TRIM9: variants seen among roughly 807,000 people sequenced by gnomAD.
The protein encoded by TRIM9 is tripartite motif containing 9, also known as E3 ubiquitin-protein ligase TRIM9.
In TRIM9, 26 loss-of-function variants were observed where a neutral mutation model predicts 78.3. The ratio of observed to expected loss-of-function variants is 0.33; its 90% CI spans 0.24 to 0.46. The LOEUF is 0.46. Ranked by LOEUF, TRIM9 falls within the 20% of genes least tolerant of loss-of-function variation. TRIM9 has a pLI of 1.00. For missense variants in TRIM9, 787 were observed against 1,036.4 expected, an observed-to-expected ratio of 0.76 and a Z score of 3.30; for synonymous variants, 398 against 416.5, an observed-to-expected ratio of 0.96 and a Z score of 0.54.
At chr14:51,014,353 A>G (rs997052464) in intron 3 of TRIM9, among the ~76,000 whole-genome samples, 5 of 152,318 alleles carry the variant, frequency 3.3e-5, no homozygotes, top group Admixed American at 6.5e-5. Flanking sequence ...TGGCTCCTGC[A>G]TTCTATGACT....
At position 50,982,781 on chromosome 14, in the gene TRIM9, A is replaced by T. The variant is rs545872546; in HGVS notation, c.1858+161T>A. 67 of 619,750 alleles carry T rather than the reference A, an allele frequency of 1.1e-4. No individual in the cohort carries two copies. In the South Asian group the frequency reaches 1.9e-3, roughly 17 times the overall value. 38.4% of individuals were successfully genotyped at this position (619,750 alleles called of 1,614,324 possible). A position where few individuals can be genotyped will look rare whatever the true frequency, so the allele number is the denominator to read the frequency against. ...TAGGAATTTCGGACATTAGGTGCAG[A>T]TAGAATGATGTCTTTGTACGCATTG... On this transcript the variant is annotated intron_variant, in intron 10 of 12. Transcript: ENST00000684578.
In TRIM9 at chr14:51,017,703, A is replaced by T. The variant is rs1413747944; in HGVS notation, c.1041+5132T>A. On this transcript the variant is annotated intron_variant, in intron 3 of 12. Coordinates refer to ENST00000684578, the MANE Select transcript of TRIM9 (RefSeq NM_001387360.1). ...ACTCCATCTCCTCAAAGTATGAGTT[A>T]GGTGCCTTCTGGAGGTAAGAGGTGT... Among the ~76,000 whole-genome samples the T allele has an allele frequency of 2.0e-5, 3 of 152,370 alleles. No homozygotes were observed. The East Asian group carries it at 5.8e-4, about 29-fold the overall frequency.
At chr14:51,057,628 G>C (rs940352655) in intron 1 of TRIM9, among the ~76,000 whole-genome samples, 3 of 152,088 alleles carry the variant, frequency 2.0e-5, no homozygotes, top group Admixed American at 2.0e-4. Flanking sequence ...GAAATACATA[G>C]GCAAAAATAT....
intron 1 of TRIM9, among the ~76,000 whole-genome samples, chr14:51,047,770 A>G (rs1269189235): frequency 6.6e-6 from 1 of 152,238 alleles, no homozygotes; most frequent in African/African-American, 2.4e-5. Flanking sequence ...TTAGAAAACA[A>G]GAACAAAGCT....
At chr14:50,995,173 C>T (rs1352864855) in intron 7 of TRIM9, among the ~76,000 whole-genome samples, 4 of 152,140 alleles carry the variant, frequency 2.6e-5, no homozygotes, top group Admixed American at 6.6e-5. Flanking sequence ...CTCTTAATAG[C>T]ATGTTCTTTA....
chr14:51,071,882 G>A (rs1030424518), intron 1 of TRIM9, among the ~76,000 whole-genome samples: 1 of 152,194 alleles, frequency 6.6e-6, no homozygotes, highest in Non-Finnish European at 1.5e-5. Flanking sequence ...AGTGGGAAAA[G>A]TGCCATGACT....
At chr14:51,009,444 G>A (rs928580057) in intron 4 of TRIM9, among the ~76,000 whole-genome samples, 3 of 152,172 alleles carry the variant, frequency 2.0e-5, no homozygotes, top group Non-Finnish European at 4.4e-5. Flanking sequence ...GAGTTGGGGG[G>A]CACTATAAAT....
intron 1 of TRIM9, among the ~76,000 whole-genome samples, chr14:51,046,965 T>C (rs939410427): frequency 6.6e-6 from 1 of 152,208 alleles, no homozygotes; most frequent in Non-Finnish European, 1.5e-5. Flanking sequence ...GAAACATGTA[T>C]GTATAGTAAG....
Position 51,095,011 on chromosome 14 carries a change from G to C in TRIM9, c.-72C>G. The C allele has an allele frequency of 1.7e-6, 2 of 1,208,144 alleles. No individual in the cohort carries two copies. Among genetic ancestry groups the C allele is most frequent in the Non-Finnish European group, 2.2e-6 (2 of 921,834 alleles). 74.8% of individuals were successfully genotyped at this position (1,208,144 alleles called of 1,614,324 possible). ...AGCTGGCGAGGTGGCCGACGGGCCC[G>C]TCTTGTCCAGCACCCTGGCCAGCGG... On this transcript the variant is annotated 5_prime_UTR_variant, in exon 1 of 13. Transcript: ENST00000684578.
At chr14:51,023,498 A>G (rs2057950721) in intron 2 of TRIM9, among the ~76,000 whole-genome samples, 1 of 152,248 alleles carries the variant, frequency 6.6e-6, no homozygotes, top group Non-Finnish European at 1.5e-5. Flanking sequence ...GCAGAAAAAA[A>G]CAATCAATGT....
Position 51,075,755 on chromosome 14 carries a change from G to A in TRIM9, c.822+18363C>T, listed in dbSNP as rs563846467. Among the ~76,000 whole-genome samples the A allele has an allele frequency of 3.3e-5, 5 of 152,302 alleles. 1 individual carries two copies. The highest frequency in any genetic ancestry group is 1.2e-4 in the African/African-American group (5 of 41,552). ...GCTCCACCTCTCAAAACTTCCCAAG[G>A]CGGGGAGTGGGTCTGATCGATCTGA... On this transcript the variant is annotated intron_variant, in intron 1 of 12. Transcript: ENST00000684578.
intron 1 of TRIM9, among the ~76,000 whole-genome samples, chr14:51,026,692 ACT>A (rs1276965374): frequency 6.6e-6 from 1 of 152,112 alleles, no homozygotes; most frequent in African/African-American, 2.4e-5. Flanking sequence ...TTGGGCACTG[ACT>A]CTCTAAAAAT....
intron 1 of TRIM9, among the ~76,000 whole-genome samples, chr14:51,067,466 A>G (rs2061847541): frequency 1.3e-5 from 2 of 152,112 alleles, no homozygotes; most frequent in African/African-American, 2.4e-5. Context: ...AGACACTCCC[A>G]TGGCCTCCTA....
At chr14:51,001,318 C>T (rs2054984297) in intron 5 of TRIM9, among the ~76,000 whole-genome samples, 1 of 151,250 alleles carries the variant, frequency 6.6e-6, no homozygotes, top group African/African-American at 2.4e-5. Context: ...CAAGCTCCGC[C>T]TCCCGGGTTC....
At chr14:51,010,544 A>G (rs756355038) in intron 3 of TRIM9, 50 bp from the exon 4 acceptor site, 9 of 1,378,254 alleles carry the variant, frequency 6.5e-6, no homozygotes, top group Non-Finnish European at 8.2e-6. Flanking sequence ...CAGAGGGTAG[A>G]AGAGAAGCAA....
intron 1 of TRIM9, among the ~76,000 whole-genome samples, chr14:51,027,070 G>T (rs1331443970): frequency 2.7e-5 from 4 of 149,780 alleles, no homozygotes; most frequent in Non-Finnish European, 5.9e-5. Flanking sequence ...CTAAAGCCCA[G>T]AACCCTATTA....
At chr14:50,985,606 C>G (rs982798233) in intron 8 of TRIM9, among the ~76,000 whole-genome samples, 3 of 152,224 alleles carry the variant, frequency 2.0e-5, no homozygotes, top group Non-Finnish European at 4.4e-5. Context: ...CTCCACATTA[C>G]TGCCATGGCC....
At chr14:50,983,109 G>T in intron 9 of TRIM9, 144 bp from the exon 10 acceptor site, 3 of 805,374 alleles carry the variant, frequency 3.7e-6, no homozygotes, top group Non-Finnish European at 6.0e-6. Flanking sequence ...GGTGCTCTCT[G>T]ACTTGTACCT....
At chr14:51,074,029 G>C (rs945988076) in intron 1 of TRIM9, among the ~76,000 whole-genome samples, 1 of 152,092 alleles carries the variant, frequency 6.6e-6, no homozygotes, top group African/African-American at 2.4e-5. Flanking sequence ...AGCTTTCCAC[G>C]TTTGCCAGCA....
Sources: allele counts gnomAD v4.1 joint callset (sites outside exome capture counted in the v4.1 genomes callset), GRCh38; gene constraint gnomAD v4.1.1; transcripts MANE v1.5; gene names NCBI Gene and HGNC (gene_info 2026-07-23, HGNC 2026-07-21).